ANGPT1: variants seen among roughly 807,000 people sequenced by gnomAD.
ANGPT1 encodes angiopoietin 1, also known as angiopoietin-1.
ANGPT1 carries 17 observed loss-of-function variants against 62.2 expected under a neutral mutation model. That is an observed-to-expected ratio of 0.27 (90% confidence interval 0.19 to 0.41). The LOEUF is 0.41. Ranked by LOEUF, ANGPT1 falls within the 10% of genes least tolerant of loss-of-function variation. ANGPT1 has a pLI of 1.00. For missense variants in ANGPT1, 478 were observed against 594.9 expected (o/e 0.80, Z 2.04); for synonymous variants, 199 against 198.9 (o/e 1.00, Z 0.00).
chr8:107,434,432 G>A (rs146070159), intron 1 of ANGPT1, among the ~76,000 whole-genome samples: 1,878 of 152,208 alleles, frequency 0.012, 23 homozygotes, highest in Non-Finnish European at 0.015. Context: ...TTGGGAGGCA[G>A]AACTGTCGGG....
intron 1 of ANGPT1, among the ~76,000 whole-genome samples, chr8:107,397,720 T>C (rs1429718320): frequency 6.6e-6 from 1 of 152,100 alleles, no homozygotes. Flanking sequence ...CTGGAAACAT[T>C]TTCCCATTTG....
intron 7 of ANGPT1, among the ~76,000 whole-genome samples, chr8:107,280,304 G>A (rs957493292): frequency 2.6e-5 from 4 of 151,858 alleles, no homozygotes; most frequent in Non-Finnish European, 5.9e-5. Flanking sequence ...GGGTTCAAGT[G>A]ATTCTCTTGT....
chr8:107,318,960 G>A (rs1390293543), intron 4 of ANGPT1, among the ~76,000 whole-genome samples: 1 of 152,124 alleles, frequency 6.6e-6, no homozygotes, highest in Admixed American at 6.6e-5. Context: ...AGAAAATGGA[G>A]GCCAAAAAAG....
intron 1 of ANGPT1, among the ~76,000 whole-genome samples, chr8:107,493,433 A>T (rs1460567125): frequency 1.3e-5 from 2 of 150,532 alleles, no homozygotes; most frequent in Admixed American, 1.3e-4. Context: ...AATTGGAGTG[A>T]CTAGAGAAGT....
At chr8:107,422,372 C>T (rs182741440) in intron 1 of ANGPT1, among the ~76,000 whole-genome samples, 1 of 152,312 alleles carries the variant, frequency 6.6e-6, no homozygotes, top group African/African-American at 2.4e-5. Context: ...CTGAACCTCT[C>T]TGTCCATAAA....
intron 1 of ANGPT1, among the ~76,000 whole-genome samples, chr8:107,446,408 A>G (rs1325218275): frequency 3.3e-5 from 5 of 152,234 alleles, no homozygotes; most frequent in African/African-American, 1.2e-4. Flanking sequence ...AGCTGCTACC[A>G]TATTGGACAA....
chr8:107,448,438 G>A (rs571161324), intron 1 of ANGPT1, among the ~76,000 whole-genome samples: 6 of 152,140 alleles, frequency 3.9e-5, no homozygotes, highest in African/African-American at 9.6e-5. Context: ...TTGAAATACA[G>A]AAAGCTGACT....
chr8:107,344,793 T>C (rs1815768403), intron 2 of ANGPT1, among the ~76,000 whole-genome samples: 1 of 152,186 alleles, frequency 6.6e-6, no homozygotes, highest in African/African-American at 2.4e-5. Context: ...CATGAGAGCA[T>C]GCCTGGATAG....
intron 1 of ANGPT1, among the ~76,000 whole-genome samples, chr8:107,361,920 G>T (rs1258603749): frequency 6.6e-6 from 1 of 152,052 alleles, no homozygotes; most frequent in Admixed American, 6.6e-5. Context: ...TTAGCCAGGT[G>T]TGGTGGCAGA....
intron 1 of ANGPT1, among the ~76,000 whole-genome samples, chr8:107,426,300 G>A (rs1015679809): frequency 1.6e-4 from 24 of 152,144 alleles, no homozygotes; most frequent in African/African-American, 5.8e-4. Context: ...GAGAGAAAGG[G>A]CAACCCCAGT....
intron 7 of ANGPT1, among the ~76,000 whole-genome samples, chr8:107,273,713 C>A (rs1020044542): frequency 6.6e-5 from 10 of 151,932 alleles, no homozygotes; most frequent in Non-Finnish European, 1.5e-5. Flanking sequence ...CTCTATGAAG[C>A]CTTTCCCAGT....
intron 1 of ANGPT1, among the ~76,000 whole-genome samples, chr8:107,347,840 G>A (rs1316082110): frequency 1.3e-5 from 2 of 152,092 alleles, no homozygotes; most frequent in African/African-American, 4.8e-5. Flanking sequence ...GTAATATTTA[G>A]TCCTTTATGG....
At chr8:107,295,659 G>A (rs1814395280) in intron 5 of ANGPT1, 1 of 152,070 alleles carries the variant, frequency 6.6e-6, no homozygotes, top group Non-Finnish European at 1.5e-5. Context: ...CAAAGAAAAT[G>A]ATCATAGTTT....
At chr8:107,464,363 A>G (rs1053176536) in intron 1 of ANGPT1, among the ~76,000 whole-genome samples, 1 of 152,174 alleles carries the variant, frequency 6.6e-6, no homozygotes, top group Non-Finnish European at 1.5e-5. Flanking sequence ...ACAAATTTTG[A>G]ATGTAATTTT....
intron 1 of ANGPT1, among the ~76,000 whole-genome samples, chr8:107,430,632 T>C (rs75452922): frequency 0.046 from 7,000 of 152,240 alleles, 168 homozygotes; most frequent in Middle Eastern, 0.068. Flanking sequence ...TAAAGTCCTT[T>C]ATAAGAGAAA....
chr8:107,353,486 C>A (rs1815975610), intron 1 of ANGPT1, among the ~76,000 whole-genome samples: 1 of 152,144 alleles, frequency 6.6e-6, no homozygotes, highest in Non-Finnish European at 1.5e-5. Flanking sequence ...TGGATCTCCC[C>A]TTTCGCCAAC....
intron 1 of ANGPT1, among the ~76,000 whole-genome samples, chr8:107,465,859 A>G (rs1445474085): frequency 6.6e-6 from 1 of 152,162 alleles, no homozygotes; most frequent in Admixed American, 6.5e-5. Flanking sequence ...CTTCCCACAG[A>G]GTAACTATCT....
chr8:107,435,480 C>G (rs745704694), intron 1 of ANGPT1, among the ~76,000 whole-genome samples: 1 of 152,158 alleles, frequency 6.6e-6, no homozygotes, highest in Non-Finnish European at 1.5e-5. Flanking sequence ...AGGTCTGGTG[C>G]TAGGCCCATA....
intron 1 of ANGPT1, among the ~76,000 whole-genome samples, chr8:107,459,232 A>T (rs1228381050): frequency 1.3e-5 from 2 of 152,042 alleles, no homozygotes; most frequent in African/African-American, 4.8e-5. Context: ...CAGGTGAAAA[A>T]TTTTCAGTCA....
Sources: gnomAD v4.1 joint callset for allele counts (sites outside exome capture counted in the v4.1 genomes callset) on GRCh38, gnomAD v4.1.1 for gene constraint, MANE v1.5 for transcripts, NCBI Gene and HGNC (gene_info 2026-07-23, HGNC 2026-07-21) for gene names.